Variants in CXADR observed in about 807,000 individuals in gnomAD.
CXADR encodes the protein coxsackievirus and adenovirus receptor.
A neutral mutation model predicts 40.3 loss-of-function variants in CXADR; 20 were observed. The observed-to-expected ratio is 0.50, with a 90% CI of 0.35 to 0.72. The LOEUF is 0.72. Ranked by LOEUF, CXADR falls within the 30% of genes least tolerant of loss-of-function variation. The pLI is 0.01. For synonymous variants in CXADR, 150 were observed against 161.3 expected, an observed-to-expected ratio of 0.93 and a Z score of 0.53; for missense variants, 332 against 449.1, an observed-to-expected ratio of 0.74 and a Z score of 2.36.
Position 17,565,410 on chromosome 21 carries a change from G to T in CXADR, c.834-18G>T, listed in dbSNP as rs769528369. 6 of 1,611,940 alleles carry T rather than the reference G, an allele frequency of 3.7e-6. No individual in the cohort carries two copies. The highest frequency in any genetic ancestry group is 5.1e-6 in the Non-Finnish European group (6 of 1,178,790). ...GAAACTTATTCTCTTGACATGTATT[G>T]GGGATTTTGCTTTGCAGGGAAGATG... is the stretch of plus-strand genomic sequence containing the variant. On this transcript the variant is annotated intron_variant, in intron 6 of 6. Coordinates refer to ENST00000284878, the MANE Select transcript of CXADR (RefSeq NM_001338.5).
the CXADR span, among the ~76,000 whole-genome samples, chr21:17,619,805 C>G: frequency 8.6e-6 from 1 of 116,266 alleles, no homozygotes. Context: ...TCTCTATCAG[C>G]ATTTACTGCT....
downstream of CXADR, among the ~76,000 whole-genome samples, chr21:17,597,571 TCTCA>T (rs1653406188): frequency 6.6e-6 from 1 of 152,012 alleles, no homozygotes; most frequent in Non-Finnish European, 1.5e-5. Context: ...AAAGAGGACT[TCTCA>T]CTATTATACT....
chr21:17,601,344 G>C, the CXADR span, among the ~76,000 whole-genome samples: 1 of 152,104 alleles, frequency 6.6e-6, no homozygotes, highest in Non-Finnish European at 1.5e-5. Flanking sequence ...TCTACGGCTG[G>C]TGACTCTTCG....
chr21:17,593,990 C>A, downstream of CXADR: 2 of 1,347,414 alleles, frequency 1.5e-6, no homozygotes. Context: ...TGGTTTGGCC[C>A]ATCTAACTTC....
intron 1 of CXADR, among the ~76,000 whole-genome samples, chr21:17,539,477 C>T (rs2060800240): frequency 6.6e-6 from 1 of 152,152 alleles, no homozygotes; most frequent in Non-Finnish European, 1.5e-5. Context: ...CCTTTATGAT[C>T]TTTCACTTCC....
At chr21:17,600,957 T>C in the CXADR span, among the ~76,000 whole-genome samples, 1 of 152,206 alleles carries the variant, frequency 6.6e-6, no homozygotes, top group African/African-American at 2.4e-5. Flanking sequence ...AGGTCAGGCG[T>C]TCGAGGCCAG....
Position 17,591,819 on chromosome 21 carries a change from A to C in CXADR, c.1018-1333A>C, listed in dbSNP as rs75017415. Among the ~76,000 whole-genome samples the C allele has an allele frequency of 6.3e-3, 963 of 152,090 alleles. 57 individuals carry two copies. In the East Asian group the frequency reaches 0.13, roughly 21 times the overall value. On this transcript the variant is annotated intron_variant, in intron 7 of 7. Transcript: ENST00000400169. ...GTCTAAGGGAGACAAACTTAAGAGA[A>C]CAAAGCACCTAGAGTCATAATTACT...
At chr21:17,521,168 T>C (rs1201648622) in intron 1 of CXADR, among the ~76,000 whole-genome samples, 1 of 151,918 alleles carries the variant, frequency 6.6e-6, no homozygotes, top group Non-Finnish European at 1.5e-5. Context: ...GAAGGAGTGA[T>C]AGGGGATATA....
intron 1 of CXADR, among the ~76,000 whole-genome samples, chr21:17,533,048 T>C (rs2060698171): frequency 6.6e-6 from 1 of 152,082 alleles, no homozygotes; most frequent in African/African-American, 2.4e-5. Flanking sequence ...GGAGAAGAAA[T>C]GATTGTCAGG....
At chr21:17,608,940 C>A in the CXADR span, 4 of 1,590,556 alleles carry the variant, frequency 2.5e-6, no homozygotes, top group Admixed American at 7.2e-5. Flanking sequence ...AGGGGTTGAT[C>A]AGCCTCTGCT....
the CXADR span, among the ~76,000 whole-genome samples, chr21:17,601,261 T>C: frequency 1.3e-5 from 2 of 150,656 alleles, no homozygotes; most frequent in East Asian, 3.9e-4. Flanking sequence ...CAGAGGCAAG[T>C]CACTTAATTT....
At position 17,524,514 on chromosome 21, in the gene CXADR, T is replaced by G. The variant is rs1012424031; in HGVS notation, c.43+11342T>G. On this transcript the variant is annotated intron_variant, in intron 1 of 6. Coordinates refer to ENST00000284878, the MANE Select transcript of CXADR (RefSeq NM_001338.5). ...TCGCTGGAACCCGGGAGGCAGAGGC[T>G]GCAGTGAGCCGAGATCATGCCACTG... Among the ~76,000 whole-genome samples, 8 of 131,956 alleles carry G rather than the reference T, an allele frequency of 6.1e-5. No individual in the cohort carries two copies. The Admixed American group carries it at 7.5e-4, about 12-fold the overall frequency. 86.6% of individuals were successfully genotyped at this position (131,956 alleles called of 152,430 possible).
chr21:17,593,158 T>C (rs756288226), exon 8 of CXADR: 1 of 1,442,190 alleles, frequency 6.9e-7, no homozygotes, highest in South Asian at 1.6e-5. Context: ...GTAGTTCAAG[T>C]ACCCTTACAA....
Position 17,568,632 on chromosome 21 carries a change from C to A in CXADR, c.*2940C>A. The A allele has an allele frequency of 1.0e-6, 1 of 982,350 alleles. No individual in the cohort carries two copies. Among genetic ancestry groups the A allele is most frequent in the East Asian group, 1.1e-4 (1 of 8,744 alleles). 60.9% of individuals were successfully genotyped at this position (982,350 alleles called of 1,614,324 possible). On this transcript the variant is annotated 3_prime_UTR_variant, in exon 7 of 7. Transcript: ENST00000284878. ...TCTCAAACTGCTGGGCTCAGGAGATCCTCCTGCCTTGGCCTCCCAAATTGC... is the reference window on the plus strand; with the variant it reads ...TCTCAAACTGCTGGGCTCAGGAGATACTCCTGCCTTGGCCTCCCAAATTGC...
Position 17,567,635 on chromosome 21 carries a change from C to T in CXADR, c.*1943C>T, listed in dbSNP as rs2061227795. ...TAGAAATTTCAATATTCCCAACACT[C>T]TATGTTTCTGATTTTATAACAGTAG... On this transcript the variant is annotated 3_prime_UTR_variant, in exon 7 of 7. Transcript: ENST00000284878. The T allele has an allele frequency of 1.0e-6, 1 of 983,144 alleles. No individual in the cohort carries two copies. The highest frequency in any genetic ancestry group is 1.7e-5 in the African/African-American group (1 of 57,196). The allele number at this position is 983,144 out of a possible 1,614,324, so 60.9% of individuals were successfully genotyped here.
rs1209891863 is a variant in CXADR, at chr21:17,568,820, A to G, written c.*3128A>G. 1.0e-6 allele frequency: 1 copy of G among 985,224 alleles called. No individual in the cohort carries two copies. The highest frequency in any genetic ancestry group is 1.2e-6 in the Non-Finnish European group (1 of 829,940). The allele number at this position is 985,224 out of a possible 1,614,324, so 61.0% of individuals were successfully genotyped here. ...CCCAAAAATGTCTACTATTCATGAC[A>G]GTAACCAATTATTCTGGACAAATTG... On this transcript the variant is annotated 3_prime_UTR_variant, in exon 7 of 7. Transcript: ENST00000284878.
In CXADR at chr21:17,565,850, G is replaced by T; in HGVS notation, c.*158G>T. ...ATATATTTTTAAAAATTTTTGTTTG[G>T]TTATATCGAAATAGTTACAGGCACT... is the stretch of plus-strand genomic sequence containing the variant. On this transcript the variant is annotated 3_prime_UTR_variant, in exon 7 of 7. Transcript: ENST00000284878. 7.6e-7 allele frequency: 1 copy of T among 1,315,964 alleles called. No individual in the cohort carries two copies. The highest frequency in any genetic ancestry group is 3.6e-5 in the Admixed American group (1 of 27,866). The allele number at this position is 1,315,964 out of a possible 1,614,324, so 81.5% of individuals were successfully genotyped here.
chr21:17,574,968 T>C (rs1160557523), downstream of CXADR, among the ~76,000 whole-genome samples: 1 of 113,096 alleles, frequency 8.8e-6, no homozygotes, highest in Non-Finnish European at 1.8e-5. Context: ...TGGAAAAATA[T>C]GGAATATATA....
intron 1 of CXADR, among the ~76,000 whole-genome samples, chr21:17,514,580 T>A (rs1030617988): frequency 5.6e-4 from 78 of 140,526 alleles, no homozygotes; most frequent in African/African-American, 2.0e-3. Flanking sequence ...AAAAAAAAAA[T>A]AGTTTTAGAC....
Sources: gnomAD v4.1 joint callset for allele counts (sites outside exome capture counted in the v4.1 genomes callset) on GRCh38, gnomAD v4.1.1 for gene constraint, MANE v1.5 for transcripts, NCBI Gene and HGNC (gene_info 2026-07-23, HGNC 2026-07-21) for gene names.